Variants in PHKB observed in about 807,000 individuals in gnomAD.
The protein encoded by PHKB is phosphorylase b kinase regulatory subunit beta.
PHKB carries 122 observed loss-of-function variants against 152.1 expected under a neutral mutation model. That is an observed-to-expected ratio of 0.80 (90% confidence interval 0.69 to 0.93). The LOEUF is 0.93. PHKB is among the 40% of genes least tolerant of loss of function. The pLI, the probability that PHKB is intolerant of heterozygous loss-of-function variation, is 0.00. For synonymous variants in PHKB, 436 were observed against 464.9 expected (o/e 0.94, Z 0.80); for missense variants, 1,304 against 1,328.4 (o/e 0.98, Z 0.29).
intron 6 of PHKB, among the ~76,000 whole-genome samples, chr16:47,517,280 T>C (rs1354221674): frequency 1.3e-5 from 2 of 149,776 alleles, no homozygotes; most frequent in Non-Finnish European, 3.0e-5. Context: ...TTTGAGACAG[T>C]GTATCACTCT....
intron 7 of PHKB, among the ~76,000 whole-genome samples, chr16:47,550,564 G>A (rs1159110425): frequency 1.3e-5 from 2 of 152,208 alleles, no homozygotes; most frequent in African/African-American, 2.4e-5. Flanking sequence ...CATAATCTGA[G>A]TGTTGCCTTG....
chr16:47,671,860 A>T (rs780464252), intron 26 of PHKB, among the ~76,000 whole-genome samples: 6 of 152,206 alleles, frequency 3.9e-5, no homozygotes, highest in Admixed American at 6.5e-5. Context: ...TGCTACCTAC[A>T]GTGAACAAGA....
chr16:47,593,304 G>T (rs978358521), intron 10 of PHKB, among the ~76,000 whole-genome samples, 196 bp from the exon 11 acceptor site: 2 of 151,894 alleles, frequency 1.3e-5, no homozygotes, highest in Non-Finnish European at 2.9e-5. Context: ...AGTGGTTTGT[G>T]TCTATAGTCC....
chr16:47,678,358 A>G (rs1480960685), intron 26 of PHKB, among the ~76,000 whole-genome samples: 1 of 152,202 alleles, frequency 6.6e-6, no homozygotes, highest in Non-Finnish European at 1.5e-5. Context: ...GACTTCCACA[A>G]TGGTTGAACT....
At chr16:47,693,649 GACA>G in intron 28 of PHKB, 142 bp downstream of exon 28, 1 of 968,714 alleles carries the variant, frequency 1.0e-6, no homozygotes, top group Non-Finnish European at 1.6e-6. Flanking sequence ...TAGAAAATAA[GACA>G]TCTAATCAAT....
chr16:47,556,146 G>A (rs1490280402), intron 7 of PHKB, among the ~76,000 whole-genome samples: 2 of 152,184 alleles, frequency 1.3e-5, no homozygotes, highest in Non-Finnish European at 2.9e-5. Context: ...TGCTGAAGTT[G>A]CTTATCAGCT....
chr16:47,525,059 G>A (rs1325126543), intron 6 of PHKB, among the ~76,000 whole-genome samples: 3 of 152,122 alleles, frequency 2.0e-5, no homozygotes, highest in Non-Finnish European at 4.4e-5. Flanking sequence ...GTCAGGCAAA[G>A]TTTGTGAATT....
At chr16:47,518,590 C>T (rs914798487) in intron 6 of PHKB, among the ~76,000 whole-genome samples, 33 of 152,130 alleles carry the variant, frequency 2.2e-4, no homozygotes, top group Non-Finnish European at 2.2e-4. Flanking sequence ...CCTACACAGG[C>T]GTACCATGTT....
At chr16:47,618,186 C>T (rs1290647573) in intron 14 of PHKB, among the ~76,000 whole-genome samples, 4 of 152,194 alleles carry the variant, frequency 2.6e-5, no homozygotes, top group East Asian at 1.9e-4. Context: ...CTGCTTTATT[C>T]GTTAATGCAT....
At chr16:47,506,776 A>G (rs1970426975) in intron 4 of PHKB, among the ~76,000 whole-genome samples, 1 of 152,226 alleles carries the variant, frequency 6.6e-6, no homozygotes, top group Non-Finnish European at 1.5e-5. Context: ...GTTTTGGGCC[A>G]CACATAAAAT....
intron 14 of PHKB, among the ~76,000 whole-genome samples, chr16:47,635,488 A>AC (rs1470455745): frequency 6.6e-6 from 1 of 152,210 alleles, no homozygotes; most frequent in African/African-American, 2.4e-5. Context: ...AGGATGACTT[A>AC]CACATTTTTT....
At chr16:47,473,265 AG>A (rs1326682688) in intron 1 of PHKB, among the ~76,000 whole-genome samples, 1 of 104,198 alleles carries the variant, frequency 9.6e-6, no homozygotes, top group African/African-American at 3.3e-5. Context: ...TGTAGAGACA[AG>A]TCCTCACTAT....
chr16:47,598,967 C>T, intron 13 of PHKB: 3 of 1,319,262 alleles, frequency 2.3e-6, no homozygotes, highest in Non-Finnish European at 3.3e-6. Flanking sequence ...ACAGCCAATC[C>T]CACAAGGCCA....
rs200896827 is a variant in PHKB at position 47,698,578 on chromosome 16, T to C, written c.3134T>C (p.Ile1045Thr). Residue 1045 changes from isoleucine (I) to threonine (T), a missense_variant, in exon 30 of 31, where the codon ATT (isoleucine) becomes ACT (threonine). Physicochemically the swap from Ile to Thr is moderately conservative, Grantham distance 89 (BLOSUM62 -1). Transcript: ENST00000323584. Reference sequence around the variant, plus strand: ...AAAGATCAGAGTCGGCTAAAGGAAATTGAAAAACAAGTAAGTACACAGCTT... The same window carrying C: ...AAAGATCAGAGTCGGCTAAAGGAAACTGAAAAACAAGTAAGTACACAGCTT... ...FQKDQSRLKEIEKQDDMTSFY... is the reference protein window; with the variant it reads ...FQKDQSRLKETEKQDDMTSFY... 5.7e-6 allele frequency: 9 copies of C among 1,571,204 alleles called. No individual in the cohort carries two copies. The African/African-American group carries it at 1.1e-4, about 19-fold the overall frequency.
At chr16:47,672,104 T>C (rs918650921) in intron 26 of PHKB, among the ~76,000 whole-genome samples, 4 of 152,180 alleles carry the variant, frequency 2.6e-5, no homozygotes, top group African/African-American at 9.6e-5. Flanking sequence ...TTACTTTAGC[T>C]TATTATTTTT....
intron 26 of PHKB, 73 bp downstream of exon 26, chr16:47,669,490 G>A: frequency 3.1e-6 from 4 of 1,297,620 alleles, no homozygotes; most frequent in Non-Finnish European, 4.5e-6. Flanking sequence ...GCCTCTCCAA[G>A]TGAAGCAATG....
intron 10 of PHKB, among the ~76,000 whole-genome samples, chr16:47,591,719 C>A (rs1304104841): frequency 1.3e-5 from 2 of 152,074 alleles, no homozygotes; most frequent in Non-Finnish European, 2.9e-5. Flanking sequence ...GTGCCCACCC[C>A]CTGTATGCAG....
At chr16:47,648,314 T>C (rs1273945938) in intron 16 of PHKB, among the ~76,000 whole-genome samples, 2 of 152,170 alleles carry the variant, frequency 1.3e-5, no homozygotes, top group African/African-American at 2.4e-5. Context: ...TTTAAGAATG[T>C]TGCTAAGTAG....
chr16:47,478,466 ATTT>A (rs199656987), intron 1 of PHKB, among the ~76,000 whole-genome samples: 27 of 127,856 alleles, frequency 2.1e-4, no homozygotes, highest in Non-Finnish European at 2.6e-4. Flanking sequence ...TTGCTGTGAA[ATTT>A]TTTTTTTTTT....
Sources: allele counts gnomAD v4.1 joint callset (sites outside exome capture counted in the v4.1 genomes callset), GRCh38; gene constraint gnomAD v4.1.1; transcripts MANE v1.5; gene names NCBI Gene and HGNC (gene_info 2026-07-23, HGNC 2026-07-21).